SBF2: variants seen among roughly 807,000 people sequenced by gnomAD.
SBF2 encodes the protein myotubularin-related protein 13.
Under a neutral mutation model 225.2 loss-of-function variants are expected in SBF2, and 112 were observed. The ratio of observed to expected loss-of-function variants is 0.50; its 90% CI spans 0.43 to 0.58. The LOEUF is 0.58. SBF2 is among the 20% of genes least tolerant of loss of function. The probability of loss-of-function intolerance (pLI) is 0.00; values close to 1 mark genes in which losing one functional copy is unlikely to be tolerated. For synonymous variants in SBF2, 763 were observed against 773.3 expected (o/e 0.99, Z 0.22); for missense variants, 1,996 against 2,206.2 (o/e 0.90, Z 1.91).
chr11:9,989,532 G>A lies in SBF2; in HGVS notation c.1360C>T (p.His454Tyr). 4 of 1,608,724 alleles carry A rather than the reference G, an allele frequency of 2.5e-6. No individual in the cohort carries two copies. Among genetic ancestry groups the A allele is most frequent in the Non-Finnish European group, 3.4e-6 (4 of 1,175,878 alleles). Residue 454 changes from histidine to tyrosine, a missense_variant, in exon 13 of 40, where the codon CAT becomes TAT. His to Tyr is a moderately conservative substitution (Grantham distance 83, BLOSUM62 2). Coordinates refer to ENST00000256190, the MANE Select transcript of SBF2 (RefSeq NM_030962.4). ...AGTTGCTCAGCAAGTTCCCTGACAT[G>A]CTTTATCATCTTCACTGGGTTATTT... Reference protein sequence around the residue: ...EENNPVKMIKHVRELAEQLFK... With the variant: ...EENNPVKMIKYVRELAEQLFK...
At chr11:9,818,639 G>A (rs900760526) in intron 28 of SBF2, among the ~76,000 whole-genome samples, 4 of 152,204 alleles carry the variant, frequency 2.6e-5, no homozygotes, top group Non-Finnish European at 5.9e-5. Context: ...TGTCACATCT[G>A]CTTCTCTTTC....
intron 28 of SBF2, among the ~76,000 whole-genome samples, chr11:9,820,171 A>G (rs1854671208): frequency 6.6e-6 from 1 of 152,230 alleles, no homozygotes; most frequent in South Asian, 2.1e-4. Flanking sequence ...ATGATTTTAT[A>G]TTTATTCAGG....
chr11:10,300,582 C>G (rs1321654273), intron 1 of SBF2, among the ~76,000 whole-genome samples: 2 of 151,890 alleles, frequency 1.3e-5, no homozygotes, highest in African/African-American at 4.8e-5. Flanking sequence ...TCTGATATCA[C>G]AGGATCCCTA....
chr11:10,015,329 G>A (rs1383782321), intron 6 of SBF2, among the ~76,000 whole-genome samples: 1 of 152,198 alleles, frequency 6.6e-6, no homozygotes, highest in Non-Finnish European at 1.5e-5. Context: ...GTCTGTGGAT[G>A]TATTAGTTTT....
chr11:10,166,889 A>G (rs10770099), intron 2 of SBF2, among the ~76,000 whole-genome samples: 150,531 of 151,986 alleles, frequency 0.99, 74,566 homozygotes, highest in Middle Eastern at 1. Flanking sequence ...TTGAGCCCGG[A>G]AGTCAGAGGT....
At chr11:9,781,232 A>G (rs1590067219) in intron 39 of SBF2, among the ~76,000 whole-genome samples, 1 of 152,248 alleles carries the variant, frequency 6.6e-6, no homozygotes, top group Non-Finnish European at 1.5e-5. Context: ...TGAAATAACT[A>G]ACAACATTTA....
intron 2 of SBF2, among the ~76,000 whole-genome samples, chr11:10,140,401 T>C (rs1198588431): frequency 1.3e-5 from 2 of 152,166 alleles, no homozygotes; most frequent in East Asian, 3.8e-4. Flanking sequence ...CAATCATGCC[T>C]ACACAATGAG....
intron 2 of SBF2, among the ~76,000 whole-genome samples, chr11:10,106,529 G>C (rs572927712): frequency 1.4e-4 from 22 of 151,804 alleles, no homozygotes; most frequent in African/African-American, 5.3e-4. Context: ...GCGTATGCCT[G>C]GAGGCATGAG....
intron 16 of SBF2, among the ~76,000 whole-genome samples, chr11:9,899,278 G>A (rs918383331): frequency 4.6e-5 from 7 of 150,916 alleles, no homozygotes; most frequent in Admixed American, 1.3e-4. Context: ...AGGACTGCTT[G>A]AGCCCAGGAG....
At chr11:10,161,599 G>A (rs1203582927) in intron 2 of SBF2, among the ~76,000 whole-genome samples, 2 of 152,080 alleles carry the variant, frequency 1.3e-5, no homozygotes, top group African/African-American at 4.8e-5. Flanking sequence ...AAATTTCTCT[G>A]CCTCCTTTGT....
chr11:9,909,321 T>C (rs909853273), intron 16 of SBF2, among the ~76,000 whole-genome samples: 5 of 151,900 alleles, frequency 3.3e-5, no homozygotes, highest in Non-Finnish European at 7.4e-5. Flanking sequence ...TTTCTCTCTT[T>C]TTTTTTTCCT....
At chr11:9,882,556 C>A (rs1039900208) in intron 17 of SBF2, among the ~76,000 whole-genome samples, 1 of 152,100 alleles carries the variant, frequency 6.6e-6, no homozygotes, top group Non-Finnish European at 1.5e-5. Flanking sequence ...TGTCTGTAAT[C>A]CCAGCACTTT....
chr11:10,273,667 T>C (rs1021385688), intron 1 of SBF2, among the ~76,000 whole-genome samples: 1 of 152,242 alleles, frequency 6.6e-6, no homozygotes, highest in Admixed American at 6.5e-5. Flanking sequence ...CTCTTCTTCT[T>C]GTGCTAAATT....
rs71034757 is a variant in SBF2, at chr11:10,254,900, C to CAA, written c.55+39113_55+39114dup. Among the ~76,000 whole-genome samples the CAA allele has an allele frequency of 1.1e-3, 49 of 44,074 alleles. 6 individuals carry two copies. The highest frequency in any genetic ancestry group is 2.4e-3 in the Admixed American group (6 of 2,456). 28.9% of individuals were successfully genotyped at this position (44,074 alleles called of 152,430 possible). On this transcript the variant is annotated intron_variant, in intron 1 of 39. Transcript: ENST00000256190. ...TGGGTGACAGAGTGAGACTCTGTCT[C>CAA]AAAAAAAAAAAAAAAAAAAAAAAAA...
chr11:9,816,138 T>C (rs1209416403), intron 29 of SBF2, among the ~76,000 whole-genome samples: 2 of 152,228 alleles, frequency 1.3e-5, no homozygotes, highest in East Asian at 3.8e-4. Flanking sequence ...ATTTATTTTG[T>C]AATGTGTGAC....
intron 2 of SBF2, among the ~76,000 whole-genome samples, chr11:10,174,679 C>A (rs969969645): frequency 2.0e-5 from 3 of 151,950 alleles, no homozygotes; most frequent in Non-Finnish European, 4.4e-5. Flanking sequence ...AGATACTCCT[C>A]GAGAAGAGCA....
chr11:10,098,804 G>C (rs531797652), intron 2 of SBF2, among the ~76,000 whole-genome samples: 1 of 148,540 alleles, frequency 6.7e-6, no homozygotes, highest in East Asian at 2.0e-4. Context: ...AGAAAAGAAA[G>C]AATCTACAAA....
At chr11:10,158,117 G>A (rs898250319) in intron 2 of SBF2, among the ~76,000 whole-genome samples, 4 of 151,896 alleles carry the variant, frequency 2.6e-5, no homozygotes, top group African/African-American at 9.7e-5. Context: ...TAAAAGAGAA[G>A]TAAAAAAATA....
intron 21 of SBF2, among the ~76,000 whole-genome samples, chr11:9,850,689 T>C (rs546599658): frequency 5.9e-5 from 9 of 152,198 alleles, no homozygotes; most frequent in South Asian, 2.1e-4. Context: ...GAGGCAGAAA[T>C]GAAGTTTATA....
Sources: allele counts gnomAD v4.1 joint callset (sites outside exome capture counted in the v4.1 genomes callset), GRCh38; gene constraint gnomAD v4.1.1; transcripts MANE v1.5; gene names NCBI Gene and HGNC (gene_info 2026-07-23, HGNC 2026-07-21).